The following PAIP1 variants were observed in gnomAD, a reference collection of about 807,000 sequenced individuals.
The protein encoded by PAIP1 is poly(A) binding protein interacting protein 1, also known as polyadenylate-binding protein-interacting protein 1.
PAIP1 carries 16 observed loss-of-function variants against 61.3 expected under a neutral mutation model. The observed-to-expected ratio is 0.26, with a 90% confidence interval of 0.18 to 0.40. The LOEUF (loss-of-function observed/expected upper bound fraction) is 0.40, where lower values mean the gene tolerates loss of function less well. Ranked by LOEUF, PAIP1 falls within the 10% of genes least tolerant of loss-of-function variation. The pLI is 1.00. For missense variants in PAIP1, 416 were observed against 600.9 expected (o/e 0.69, Z 3.22); for synonymous variants, 187 against 226.2 (o/e 0.83, Z 1.56).
intron 4 of PAIP1, among the ~76,000 whole-genome samples, chr5:43,540,605 G>T (rs1048340000): frequency 3.3e-5 from 5 of 152,212 alleles, no homozygotes; most frequent in African/African-American, 1.2e-4. Context: ...AGAGATAACT[G>T]CTGTGAAGGT....
chr5:43,542,476 G>A (rs1424810366), intron 4 of PAIP1, among the ~76,000 whole-genome samples: 4 of 150,810 alleles, frequency 2.7e-5, no homozygotes, highest in Non-Finnish European at 4.4e-5. Flanking sequence ...AGAGGTTGCA[G>A]TGAGCCAAGA....
chr5:43,556,861 G>A lies in PAIP1; in HGVS notation c.-15C>T, dbSNP rs151315341. 4,796 of 1,406,400 alleles carry A rather than the reference G, an allele frequency of 3.4e-3. 24 individuals carry two copies. Among genetic ancestry groups the A allele is most frequent in the African/African-American group, 0.011 (742 of 66,074 alleles). 87.1% of individuals were successfully genotyped at this position (1,406,400 alleles called of 1,614,324 possible). A position where few individuals can be genotyped will look rare whatever the true frequency, so the allele number is the denominator to read the frequency against. ...CCGTCCGACATGCTCCTCCTCCTCC[G>A]CCTCCTCCTCCAGGGGCCGCTGCCG... On this transcript the variant is annotated 5_prime_UTR_variant, in exon 1 of 11. Transcript: ENST00000306846.
chr5:43,556,293 G>A, intron 1 of PAIP1: 1 of 1,258,662 alleles, frequency 7.9e-7, no homozygotes, highest in Non-Finnish European at 1.0e-6. Context: ...CTAGGGTCTC[G>A]CTTTAGAGGG....
At chr5:43,535,112 C>A in intron 7 of PAIP1, 142 bp from the exon 8 acceptor site, 1 of 609,434 alleles carries the variant, frequency 1.6e-6, no homozygotes, top group Non-Finnish European at 2.9e-6. Flanking sequence ...TCCTATATGA[C>A]ATAAATTCAT....
chr5:43,543,858 G>C (rs1243133627), intron 3 of PAIP1, among the ~76,000 whole-genome samples: 1 of 152,146 alleles, frequency 6.6e-6, no homozygotes, highest in African/African-American at 2.4e-5. Flanking sequence ...AAAAGGTTAA[G>C]AAGTCGGGCA....
Position 43,556,007 on chromosome 5 carries a change from A to G in PAIP1, c.266-8T>C. 1 of 1,605,672 alleles carries G rather than the reference A, an allele frequency of 6.2e-7. No homozygotes were observed. The highest frequency in any genetic ancestry group is 2.2e-5 in the East Asian group (1 of 44,844). ...TCAGGGGCCTCGTTTGCTCTGCAAA[A>G]GAAAAAAAAACGGGGCGTCAGATGC... On this transcript the variant is annotated splice_region_variant and splice_polypyrimidine_tract_variant and intron_variant, in intron 1 of 10. Coordinates refer to ENST00000306846, the MANE Select transcript of PAIP1 (RefSeq NM_006451.5).
chr5:43,544,995 C>A (rs554885977), intron 3 of PAIP1, among the ~76,000 whole-genome samples: 1 of 152,306 alleles, frequency 6.6e-6, no homozygotes, highest in Non-Finnish European at 1.5e-5. Context: ...CTACTATTTC[C>A]TCCTATCACA....
intron 3 of PAIP1, among the ~76,000 whole-genome samples, chr5:43,544,933 C>G (rs1159537247): frequency 6.6e-6 from 1 of 152,148 alleles, no homozygotes; most frequent in Non-Finnish European, 1.5e-5. Flanking sequence ...TTACAGTTTC[C>G]CATCATGGAA....
intron 4 of PAIP1, among the ~76,000 whole-genome samples, chr5:43,540,364 T>G (rs1747348146): frequency 6.7e-6 from 1 of 149,964 alleles, no homozygotes; most frequent in African/African-American, 2.4e-5. Context: ...TGTTACAACT[T>G]TGTCGGTAAG....
chr5:43,541,313 AG>A (rs1275144838), intron 4 of PAIP1, among the ~76,000 whole-genome samples: 3 of 4,540 alleles, frequency 6.6e-4, no homozygotes, highest in South Asian at 0.016. Context: ...TTGTATTTTT[AG>A]GGTTTTTTTT....
At chr5:43,543,521 T>C (rs1403297299) in intron 3 of PAIP1, among the ~76,000 whole-genome samples, 2 of 152,132 alleles carry the variant, frequency 1.3e-5, no homozygotes, top group African/African-American at 4.8e-5. Context: ...TGTTTGGCAG[T>C]CCAGGACAAG....
In PAIP1 at chr5:43,536,964, G is replaced by C; in HGVS notation, c.847-20C>G. The C allele has an allele frequency of 6.5e-7, 1 of 1,540,102 alleles. No individual in the cohort carries two copies. On this transcript the variant is annotated intron_variant, in intron 5 of 10. Coordinates refer to ENST00000306846, the MANE Select transcript of PAIP1 (RefSeq NM_006451.5). ...CTTGATCTTTCGGGACCAAAAAAAAGAACAAAAGGAATGATGCCAAAATAT... is the reference window on the plus strand; with the variant it reads ...CTTGATCTTTCGGGACCAAAAAAAACAACAAAAGGAATGATGCCAAAATAT...
At position 43,551,775 on chromosome 5, in the gene PAIP1, ACT is replaced by A. The variant is rs554783006; in HGVS notation, c.436-3864_436-3863del. Among the ~76,000 whole-genome samples the A allele has an allele frequency of 2.4e-3, 362 of 150,138 alleles. 2 individuals are homozygous for A. The highest frequency in any genetic ancestry group is 8.4e-3 in the African/African-American group (343 of 40,710). On this transcript the variant is annotated intron_variant, in intron 2 of 10. Coordinates refer to ENST00000306846, the MANE Select transcript of PAIP1 (RefSeq NM_006451.5). ...TTTTTTTTTTTTTAAAGTCAACAGA[ACT>A]CTCTTTTAAGAAAATGTAAAATCTG...
intron 10 of PAIP1, among the ~76,000 whole-genome samples, chr5:43,528,195 G>A (rs1372068713): frequency 6.6e-6 from 1 of 152,166 alleles, no homozygotes; most frequent in Non-Finnish European, 1.5e-5. Flanking sequence ...TTTGGAGATG[G>A]AAAATAAAGA....
intron 2 of PAIP1, among the ~76,000 whole-genome samples, chr5:43,548,515 C>A (rs532875401): frequency 1.4e-4 from 22 of 152,224 alleles, no homozygotes; most frequent in African/African-American, 5.3e-4. Context: ...TGGAAGGAGA[C>A]CTTTTGGCTG....
chr5:43,533,920 C>T (rs1391473481), intron 8 of PAIP1, 128 bp from the exon 9 acceptor site: 1 of 655,924 alleles, frequency 1.5e-6, no homozygotes, highest in Non-Finnish European at 2.8e-6. Flanking sequence ...AGGAACCTAA[C>T]TTCCTGGTAG....
In PAIP1 at chr5:43,556,997, G is replaced by C; in HGVS notation, c.-151C>G. On this transcript the variant is annotated 5_prime_UTR_variant, in exon 1 of 11. Coordinates refer to ENST00000306846, the MANE Select transcript of PAIP1 (RefSeq NM_006451.5). ...GCGGCGGGCCCCGGCTCGGCTGCTC[G>C]GTGCTTCTGGCGGAGCGGACGGCAG... is the stretch of plus-strand genomic sequence containing the variant. The C allele has an allele frequency of 8.2e-7, 1 of 1,216,872 alleles. No individual in the cohort carries two copies. The highest frequency in any genetic ancestry group is 1.0e-6 in the Non-Finnish European group (1 of 968,642). 75.4% of individuals were successfully genotyped at this position (1,216,872 alleles called of 1,614,324 possible).
rs1390498170 is a variant in PAIP1 at position 43,529,829 on chromosome 5, C to A, written c.1303G>T (p.Asp435Tyr). The A allele has an allele frequency of 5.0e-6, 8 of 1,584,206 alleles. No individual in the cohort carries two copies. The highest frequency in any genetic ancestry group is 3.3e-5 in the Admixed American group (2 of 59,954). Reference sequence around the variant, plus strand: ...AAATCTGTTCCATTTTCTTCATAATCTGGAAAAAAGTCCTCTCTTTCAAGT... The same window carrying A: ...AAATCTGTTCCATTTTCTTCATAATATGGAAAAAAGTCCTCTCTTTCAAGT... ...ELLEREDFFP[D>Y]YEENGTDLSG... The change falls in exon 10 of 11, where the codon GAT becomes TAT. Residue 435 changes from aspartate to tyrosine, a missense_variant. Transcript: ENST00000306846.
In PAIP1 at chr5:43,551,001, T is replaced by C. The variant is rs145205073; in HGVS notation, c.436-3088A>G. 1.2e-3 allele frequency among the ~76,000 whole-genome samples: 184 copies of C among 152,148 alleles called. 4 individuals carry two copies. In the South Asian group the frequency reaches 0.022, roughly 19 times the overall value. On this transcript the variant is annotated intron_variant, in intron 2 of 10. Transcript: ENST00000306846. ...CAGGCCCCAAGGAGGCCTAATAACT[T>C]TGAAAAAGACAATAACTAGAATACA...
Sources: gnomAD v4.1 joint callset for allele counts (sites outside exome capture counted in the v4.1 genomes callset) on GRCh38, gnomAD v4.1.1 for gene constraint, MANE v1.5 for transcripts, NCBI Gene and HGNC (gene_info 2026-07-23, HGNC 2026-07-21) for gene names.